The following NT5C3B variants were observed in gnomAD, a reference collection of about 807,000 sequenced individuals.
NT5C3B encodes the protein 7-methylguanosine phosphate-specific 5'-nucleotidase.
In NT5C3B, 28 loss-of-function variants were observed where a neutral mutation model predicts 32.5. The observed-to-expected ratio is 0.86, with a 90% CI of 0.64 to 1.18. The LOEUF (loss-of-function observed/expected upper bound fraction) is 1.18, where lower values mean the gene tolerates loss of function less well. Among genes scored for constraint, NT5C3B ranks in the 50% most tolerant of loss-of-function variants. NT5C3B has a pLI of 0.00. For missense variants in NT5C3B, 317 were observed against 322.0 expected, an observed-to-expected ratio of 0.98 and a Z score of 0.12; for synonymous variants, 138 against 118.0, an observed-to-expected ratio of 1.17 and a Z score of -1.10.
In NT5C3B at chr17:41,828,930, T is replaced by G. The variant is rs782262050; in HGVS notation, c.427A>C (p.Asn143His). 7.4e-6 allele frequency: 12 copies of G among 1,613,590 alleles called. No homozygotes were observed. The South Asian group carries it at 1.1e-4, about 15-fold the overall frequency. ...MLREGYKTFFNTLYHNNIPLF... is the reference protein window; with the variant it reads ...MLREGYKTFFHTLYHNNIPLF... ...GGAATGTTGTTATGGTAGAGTGTGT[T>G]GAAGAAGGTCTTATATCCCTCCCTG... The change falls in exon 7 of 9, where the codon AAC becomes CAC. Residue 143 changes from asparagine to histidine, a missense_variant. By Grantham distance (68) the Asn-to-His change is moderately conservative. Transcript: ENST00000435506.
At chr17:41,829,544 C>T (rs1266796077) in intron 6 of NT5C3B, among the ~76,000 whole-genome samples, 1 of 152,202 alleles carries the variant, frequency 6.6e-6, no homozygotes, top group Non-Finnish European at 1.5e-5. Context: ...TTTGCCTGTC[C>T]TTGAACTTCA....
chr17:41,832,492 TG>T lies in NT5C3B; in HGVS notation c.229-16del. On this transcript the variant is annotated splice_polypyrimidine_tract_variant and intron_variant, in intron 4 of 8. Coordinates refer to ENST00000435506, the MANE Select transcript of NT5C3B (RefSeq NM_052935.5). ...AGCGCTGTGAGCTGGGATATCCAAA[TG>T]GGGAGAAAGGCCATTAGTCCATATC... 1 of 1,610,052 alleles carries T rather than the reference TG, an allele frequency of 6.2e-7. No individual in the cohort carries two copies. The highest frequency in any genetic ancestry group is 8.5e-7 in the Non-Finnish European group (1 of 1,176,854).
chr17:41,829,130 A>C (rs1448096160), intron 6 of NT5C3B, among the ~76,000 whole-genome samples, 178 bp from the exon 7 acceptor site: 4 of 151,388 alleles, frequency 2.6e-5, no homozygotes, highest in Non-Finnish European at 4.4e-5. Flanking sequence ...CAAGTGATCC[A>C]CCCGCCTCAA....
rs782020992 is a variant in NT5C3B at position 41,835,889 on chromosome 17, G to A, written c.81C>T (p.Ala27=). ...QPGRVQEIVG[A]LRKGGGDRLQ... ...ACCGGTCTCCGCCGCCCTTGCGGAG[G>A]GCGCCCACGATCTCCTGCACCCGCC... Residue 27 remains alanine, a synonymous_variant, in exon 2 of 9, where the codon GCC becomes GCT. Coordinates refer to ENST00000435506, the MANE Select transcript of NT5C3B (RefSeq NM_052935.5). The A allele has an allele frequency of 1.2e-5, 19 of 1,609,192 alleles. No homozygotes were observed. Among genetic ancestry groups the A allele is most frequent in the Non-Finnish European group, 1.4e-5 (17 of 1,178,742 alleles).
chr17:41,827,524 TG>T lies in NT5C3B; in HGVS notation c.669del (p.Asn224MetfsTer30). 1 of 872,974 alleles carries T rather than the reference TG, an allele frequency of 1.1e-6. No homozygotes were observed. Among genetic ancestry groups the T allele is most frequent in the Non-Finnish European group, 2.0e-6 (1 of 501,676 alleles). 54.1% of individuals were successfully genotyped at this position (872,974 alleles called of 1,614,324 possible). A position where few individuals can be genotyped will look rare whatever the true frequency, so the allele number is the denominator to read the frequency against. On this transcript the variant is annotated frameshift_variant, in exon 8 of 9. Transcript: ENST00000435506. LOFTEE classifies it high-confidence loss of function. The part of the protein sequence containing the change: ...SGYFQQLEGK[T>X]NVILLGDSIG... The stretch of plus-strand genomic sequence containing the variant: ...ATAGAGTCTCCCAGCAGGATGACAT[TG>T]GTTTTGCCCTCAAGTTGCTGGAAGT...
Position 41,833,892 on chromosome 17 carries a change from T to G in NT5C3B, c.228+1178A>C, listed in dbSNP as rs144697135. Among the ~76,000 whole-genome samples the G allele has an allele frequency of 9.7e-4, 148 of 152,236 alleles. 1 individual carries two copies. The highest frequency in any genetic ancestry group is 3.3e-3 in the African/African-American group (138 of 41,542). On this transcript the variant is annotated intron_variant, in intron 4 of 8. Transcript: ENST00000435506. ...GGGATCATGTGTTACACAGAGCCAG[T>G]CCGTAACAGTGCCTAGTAAAAATGA...
At chr17:41,827,727 G>A in intron 7 of NT5C3B, 101 bp from the exon 8 acceptor site, 1 of 683,990 alleles carries the variant, frequency 1.5e-6, no homozygotes, top group South Asian at 1.7e-5. Context: ...TCCCAAAAGT[G>A]ATAGATAATG....
chr17:41,828,720 C>T, intron 7 of NT5C3B, 70 bp downstream of exon 7: 2 of 1,395,630 alleles, frequency 1.4e-6, no homozygotes, highest in Non-Finnish European at 2.0e-6. Flanking sequence ...AGGGTTCATG[C>T]AGAGTTAACT....
chr17:41,835,949 G>T lies in NT5C3B; in HGVS notation c.21C>A (p.Thr7=), dbSNP rs1555619917. The T allele has an allele frequency of 6.3e-7, 1 of 1,591,162 alleles. No homozygotes were observed. The highest frequency in any genetic ancestry group is 1.3e-5 in the African/African-American group (1 of 74,568). The part of the protein sequence containing the change: MAEEVS[T]LMKATVLMRQ... ...GCATCAGGACCGTGGCCTTCATCAG[G>T]GTGCTCACCTGTCCCGAGACCCGAG... Residue 7 remains threonine (T), a synonymous_variant, in exon 2 of 9, where the codon ACC becomes ACA. Coordinates refer to ENST00000435506, the MANE Select transcript of NT5C3B (RefSeq NM_052935.5).
chr17:41,835,172 G>A, intron 3 of NT5C3B, 31 bp downstream of exon 3: 2 of 1,613,326 alleles, frequency 1.2e-6, no homozygotes, highest in Non-Finnish European at 1.7e-6. Flanking sequence ...GTCTTGTCAA[G>A]CTCAACAAGG....
At position 41,835,215 on chromosome 17, in the gene NT5C3B, G is replaced by GGCATC; in HGVS notation, c.164_168dup (p.Pro57AspfsTer69). The GGCATC allele has an allele frequency of 6.2e-7, 1 of 1,614,040 alleles. No homozygotes were observed. Among genetic ancestry groups the GGCATC allele is most frequent in the Non-Finnish European group, 8.5e-7 (1 of 1,179,940 alleles). On this transcript the variant is annotated frameshift_variant, in exon 3 of 9. Transcript: ENST00000435506. LOFTEE classifies it high-confidence loss of function. ...GAATGTGACTTACTGTAAGAAGAAG[G>GGCATC]GCATCGCTTTCCATTATATGCAAAC...
Position 41,836,209 on chromosome 17 carries a change from G to C in NT5C3B, c.-16C>G, listed in dbSNP as rs1044977805. On this transcript the variant is annotated 5_prime_UTR_variant, in exon 1 of 9. Coordinates refer to ENST00000435506, the MANE Select transcript of NT5C3B (RefSeq NM_052935.5). ...CCTCTGCCATCCCGTTCGAGGCCTGGTCGGCGGCTCGCGGGACAACGACAG... is the reference window on the plus strand; with the variant it reads ...CCTCTGCCATCCCGTTCGAGGCCTGCTCGGCGGCTCGCGGGACAACGACAG... The C allele has an allele frequency of 8.1e-7, 1 of 1,242,134 alleles. No homozygotes were observed. Among genetic ancestry groups the C allele is most frequent in the African/African-American group, 1.6e-5 (1 of 63,882 alleles). 76.9% of individuals were successfully genotyped at this position (1,242,134 alleles called of 1,614,324 possible).
At position 41,825,291 on chromosome 17, in the gene NT5C3B, T is replaced by G. The variant is rs2047941735; in HGVS notation, c.*232A>C. 2.0e-6 allele frequency: 1 copy of G among 498,438 alleles called. No homozygotes were observed. The highest frequency in any genetic ancestry group is 3.6e-6 in the Non-Finnish European group (1 of 279,994). 30.9% of individuals were successfully genotyped at this position (498,438 alleles called of 1,614,324 possible). A position where few individuals can be genotyped will look rare whatever the true frequency, so the allele number is the denominator to read the frequency against. On this transcript the variant is annotated 3_prime_UTR_variant, in exon 9 of 9. Transcript: ENST00000435506. The stretch of plus-strand genomic sequence containing the variant: ...CTGGAGTAGACAATCCCTAGAGCAC[T>G]GACATGCTGTGGTCCAAGGTTCACC...
chr17:41,828,738 CTGG>C (rs1555618579), intron 7 of NT5C3B, 49 bp downstream of exon 7: 1 of 1,539,602 alleles, frequency 6.5e-7, no homozygotes, highest in East Asian at 2.3e-5. Flanking sequence ...ACTGCCCTGG[CTGG>C]TGGTCCCCAC....
At chr17:41,832,361 C>T (rs2048065762) in intron 5 of NT5C3B, 31 bp downstream of exon 5, 2 of 1,597,954 alleles carry the variant, frequency 1.3e-6, no homozygotes, top group Non-Finnish European at 1.7e-6. Context: ...TCTCAAGGGC[C>T]CAGAAGCTTT....
chr17:41,827,467 C>T lies in NT5C3B; in HGVS notation c.727G>A (p.Gly243Ser), dbSNP rs1366935959. Residue 243 changes from glycine to serine, a missense_variant, in exon 8 of 9, where the codon GGT (glycine) becomes AGT (serine). Gly to Ser is a moderately conservative substitution (Grantham distance 56). Transcript: ENST00000435506. ...GDLTMADGVP[G>S]VQNILKIGFL... is the part of the protein sequence containing the mutation. ...CCAATTTTGAGAATGTTCTGCACAC[C>T]AGGAACCCCATCGGCCATGGTGAGG... is the stretch of plus-strand genomic sequence containing the variant. 2.3e-6 allele frequency: 2 copies of T among 872,892 alleles called. No individual in the cohort carries two copies. The highest frequency in any genetic ancestry group is 4.0e-6 in the Non-Finnish European group (2 of 501,684). The allele number at this position is 872,892 out of a possible 1,614,324, so 54.1% of individuals were successfully genotyped here. A position where few individuals can be genotyped will look rare whatever the true frequency, so the allele number is the denominator to read the frequency against.
In NT5C3B at chr17:41,830,869, G is replaced by C. The variant is rs781807617; in HGVS notation, c.336C>G (p.Leu112=). The C allele has an allele frequency of 2.5e-6, 4 of 1,608,752 alleles. No homozygotes were observed. The highest frequency in any genetic ancestry group is 3.4e-6 in the Non-Finnish European group (4 of 1,177,314). Residue 112 remains leucine, a synonymous_variant, in exon 6 of 9, where the codon CTC becomes CTG. Coordinates refer to ENST00000435506, the MANE Select transcript of NT5C3B (RefSeq NM_052935.5). ...MVEWWTKAHN[L]LCQQKIQKFQ... ...ACTTCTGAATCTTCTGCTGACATAGGAGATTGTGTGCTTTGGTCCACCTAG... is the reference window on the plus strand; with the variant it reads ...ACTTCTGAATCTTCTGCTGACATAGCAGATTGTGTGCTTTGGTCCACCTAG...
At chr17:41,826,563 AC>A (rs1201620246) in intron 8 of NT5C3B, among the ~76,000 whole-genome samples, 4 of 151,632 alleles carry the variant, frequency 2.6e-5, no homozygotes, top group African/African-American at 9.7e-5. Flanking sequence ...TCGCTCTGTC[AC>A]CCAGACTGGA....
At position 41,835,965 on chromosome 17, in the gene NT5C3B, G is replaced by A. The variant is rs537090104; in HGVS notation, c.13-8C>T. ...CTTCATCAGGGTGCTCACCTGTCCC[G>A]AGACCCGAGAGAACCACTGACCCCT... On this transcript the variant is annotated splice_polypyrimidine_tract_variant and splice_region_variant and intron_variant, in intron 1 of 8. Transcript: ENST00000435506. The A allele has an allele frequency of 2.5e-6, 4 of 1,570,180 alleles. No homozygotes were observed. The East Asian group carries it at 7.1e-5, about 28-fold the overall frequency.
Sources: allele counts gnomAD v4.1 joint callset (sites outside exome capture counted in the v4.1 genomes callset), GRCh38; gene constraint gnomAD v4.1.1; transcripts MANE v1.5; gene names NCBI Gene and HGNC (gene_info 2026-07-23, HGNC 2026-07-21).